Variants in MIA2 observed in about 807,000 individuals in gnomAD.
The protein encoded by MIA2 is MIA SH3 domain ER export factor 2.
A neutral mutation model predicts 167.8 loss-of-function variants in MIA2; 127 were observed. That is an observed-to-expected ratio of 0.76 (90% CI 0.66 to 0.88). The LOEUF is 0.88. Among genes scored for constraint, MIA2 ranks in the 40% least tolerant of loss-of-function variants. The probability of loss-of-function intolerance (pLI) is 0.00; values close to 1 mark genes in which losing one functional copy is unlikely to be tolerated. For synonymous variants in MIA2, 552 were observed against 541.9 expected, an observed-to-expected ratio of 1.02 and a Z score of -0.26; for missense variants, 1,690 against 1,624.7, an observed-to-expected ratio of 1.04 and a Z score of -0.69.
intron 9 of MIA2, among the ~76,000 whole-genome samples, chr14:39,285,206 C>G (rs1292737116): frequency 6.6e-6 from 1 of 152,154 alleles, no homozygotes; most frequent in Non-Finnish European, 1.5e-5. Flanking sequence ...CACCTTTCCC[C>G]CTTTTCTATT....
Position 39,348,788 on chromosome 14 carries a change from A to T in MIA2, c.3883A>T (p.Thr1295Ser). The change falls in exon 28 of 29, where the codon ACT (threonine) becomes TCT (serine). Residue 1295 changes from threonine (T) to serine (S), a missense_variant. Physicochemically the swap from Thr to Ser is moderately conservative, Grantham distance 58 (BLOSUM62 1). Transcript: ENST00000640607. ...ATCTCTCCCTGCTGAAAATGAAGCCACTGGCCCTGGCTTTGTTCCTCCACC... is the reference window on the plus strand; with the variant it reads ...ATCTCTCCCTGCTGAAAATGAAGCCTCTGGCCCTGGCTTTGTTCCTCCACC... The part of the protein sequence containing the change: ...DSSLPAENEA[T>S]GPGFVPPPLA... The T allele has an allele frequency of 2.5e-6, 4 of 1,614,000 alleles. No homozygotes were observed. Among genetic ancestry groups the T allele is most frequent in the Non-Finnish European group, 3.4e-6 (4 of 1,179,888 alleles).
intron 25 of MIA2, among the ~76,000 whole-genome samples, chr14:39,343,002 T>C (rs2072345600): frequency 6.6e-6 from 1 of 152,200 alleles, no homozygotes; most frequent in African/African-American, 2.4e-5. Flanking sequence ...CCATTTCCTG[T>C]TGGTGAGCAT....
chr14:39,339,309 A>G (rs746008095), intron 25 of MIA2, among the ~76,000 whole-genome samples: 2 of 152,190 alleles, frequency 1.3e-5, no homozygotes, highest in South Asian at 2.1e-4. Context: ...AGATGACTAC[A>G]TACATTTATT....
intron 23 of MIA2, chr14:39,385,885 C>CAAAAAA: frequency 2.1e-6 from 2 of 936,976 alleles, no homozygotes; most frequent in Admixed American, 3.5e-5. Context: ...AGCTCCCTTT[C>CAAAAAA]AAGAAAAAAG....
chr14:39,286,546 A>G (rs1029959792), intron 9 of MIA2, among the ~76,000 whole-genome samples: 1 of 152,164 alleles, frequency 6.6e-6, no homozygotes, highest in Non-Finnish European at 1.5e-5. Flanking sequence ...TATATCCTGC[A>G]TCTTTACTGA....
At chr14:39,326,837 T>C (rs768418249) in intron 24 of MIA2, 27 bp from the exon 25 acceptor site, 6 of 1,438,456 alleles carry the variant, frequency 4.2e-6, no homozygotes, top group Non-Finnish European at 5.4e-6. Context: ...ATGAAACAGA[T>C]TTGTATGTTT....
At chr14:39,307,803 A>G (rs1046015765) in intron 17 of MIA2, among the ~76,000 whole-genome samples, 5 of 152,176 alleles carry the variant, frequency 3.3e-5, no homozygotes, top group African/African-American at 1.2e-4. Flanking sequence ...TTGTGGCAAC[A>G]TGAGTGAGCC....
chr14:39,364,714 G>GT (rs71435652), intron 23 of MIA2, among the ~76,000 whole-genome samples: 41,942 of 150,256 alleles, frequency 0.28, 6,995 homozygotes, highest in Non-Finnish European at 0.38. Context: ...CTGATAGTTT[G>GT]TTTTTTTTGT....
chr14:39,351,389 AAC>A (rs2074372436), downstream of MIA2: 2 of 148,730 alleles, frequency 1.3e-5, no homozygotes, highest in South Asian at 2.1e-4. Flanking sequence ...AAAAAAAAAA[AAC>A]AAAAAACAAA....
intron 19 of MIA2, 97 bp downstream of exon 19, chr14:39,313,538 C>T: frequency 5.9e-6 from 4 of 681,002 alleles, no homozygotes; most frequent in Non-Finnish European, 9.7e-6. Flanking sequence ...AAATAGAAAA[C>T]ATTTTAAAAT....
intron 23 of MIA2, among the ~76,000 whole-genome samples, chr14:39,384,119 C>A (rs910765822): frequency 6.6e-6 from 1 of 152,194 alleles, no homozygotes; most frequent in Non-Finnish European, 1.5e-5. Flanking sequence ...CAATGCCTGA[C>A]TTCAAAGCTT....
At chr14:39,265,119 A>C (rs1424731300) in intron 6 of MIA2, among the ~76,000 whole-genome samples, 4 of 151,652 alleles carry the variant, frequency 2.6e-5, no homozygotes, top group African/African-American at 9.7e-5. Context: ...TAATATGTAC[A>C]TTTTAAAAAA....
At chr14:39,370,228 A>G (rs1324979790) in intron 23 of MIA2, 1 of 153,888 alleles carries the variant, frequency 6.5e-6, no homozygotes, top group Non-Finnish European at 1.4e-5. Flanking sequence ...GCGAAAAGCA[A>G]AATCGGTAAG....
chr14:39,385,401 G>A, intron 23 of MIA2: 1 of 1,292,320 alleles, frequency 7.7e-7, no homozygotes, highest in Non-Finnish European at 1.1e-6. Flanking sequence ...GTCATACTCA[G>A]GCAGGTTCTG....
At position 39,319,295 on chromosome 14, in the gene MIA2, G is replaced by GT; in HGVS notation, c.3367+5dup. 2 of 1,480,896 alleles carry GT rather than the reference G, an allele frequency of 1.4e-6. No homozygotes were observed. The highest frequency in any genetic ancestry group is 1.8e-6 in the Non-Finnish European group (2 of 1,109,090). 91.7% of individuals were successfully genotyped at this position (1,480,896 alleles called of 1,614,324 possible). ...CCAAATACAGCATTTGGCAGAGGTA[G>GT]TCTTTTTTTTTTTACCCCTCATTTA... On this transcript the variant is annotated splice_donor_region_variant and intron_variant, in intron 23 of 28. Coordinates refer to ENST00000640607, the MANE Select transcript of MIA2 (RefSeq NM_001329214.4).
At chr14:39,319,323 ATACATATTT>A in intron 23 of MIA2, 32 bp downstream of exon 23, 1 of 1,217,800 alleles carries the variant, frequency 8.2e-7, no homozygotes, top group Non-Finnish European at 1.1e-6. Context: ...CTCATTTAAA[ATACATATTT>A]TACATATATA....
intron 23 of MIA2, among the ~76,000 whole-genome samples, chr14:39,365,663 CTATCTATCTATCTAT>C (rs1418191708): frequency 8.8e-5 from 3 of 34,126 alleles, no homozygotes; most frequent in African/African-American, 6.4e-4. Context: ...ATCTATCTAT[CTATCTATCTATCTAT>C]CTATCTATCT....
intron 25 of MIA2, among the ~76,000 whole-genome samples, chr14:39,331,724 T>G (rs1276622708): frequency 6.6e-6 from 1 of 152,210 alleles, no homozygotes; most frequent in Non-Finnish European, 1.5e-5. Context: ...AAAGCTTAGT[T>G]TGGCTGGATA....
intron 6 of MIA2, among the ~76,000 whole-genome samples, chr14:39,269,858 G>A (rs2152698407): frequency 6.6e-6 from 1 of 152,214 alleles, no homozygotes; most frequent in Admixed American, 6.5e-5. Flanking sequence ...ATTCCGTTGT[G>A]TGACTATATC....
Sources: gnomAD v4.1 joint callset for allele counts (sites outside exome capture counted in the v4.1 genomes callset) on GRCh38, gnomAD v4.1.1 for gene constraint, MANE v1.5 for transcripts, NCBI Gene and HGNC (gene_info 2026-07-23, HGNC 2026-07-21) for gene names.